Variants in GHR observed in about 807,000 individuals in gnomAD.
GHR encodes GH receptor.
GHR carries 35 observed loss-of-function variants against 67.1 expected under a neutral mutation model. The observed-to-expected ratio is 0.52, with a 90% CI of 0.40 to 0.69. The LOEUF is 0.69. Ranked by LOEUF, GHR falls within the 30% of genes least tolerant of loss-of-function variation. The pLI, the probability that GHR is intolerant of heterozygous loss-of-function variation, is 0.00. For synonymous variants in GHR, 272 were observed against 269.1 expected, an observed-to-expected ratio of 1.01 and a Z score of -0.10; for missense variants, 792 against 764.6, an observed-to-expected ratio of 1.04 and a Z score of -0.42.
chr5:42,513,790 A>C (rs1747126010), intron 1 of GHR, among the ~76,000 whole-genome samples: 1 of 152,128 alleles, frequency 6.6e-6, no homozygotes, highest in Non-Finnish European at 1.5e-5. Context: ...CTCAAAAAAA[A>C]AAAGCTTCAG....
chr5:42,623,334 G>A (rs78139434), intron 2 of GHR, among the ~76,000 whole-genome samples: 97 of 152,080 alleles, frequency 6.4e-4, no homozygotes, highest in African/African-American at 2.3e-3. Flanking sequence ...ACTGTGAGGC[G>A]CTCCACCCCA....
chr5:42,640,506 A>G (rs756759094), intron 3 of GHR, among the ~76,000 whole-genome samples: 1 of 152,102 alleles, frequency 6.6e-6, no homozygotes, highest in African/African-American at 2.4e-5. Flanking sequence ...CTGGAAGAGT[A>G]GGACTTGCCT....
Position 42,699,871 on chromosome 5 carries a change from A to G in GHR, c.487A>G (p.Ser163Gly). 1 of 1,610,762 alleles carries G rather than the reference A, an allele frequency of 6.2e-7. No homozygotes were observed. Among genetic ancestry groups the G allele is most frequent in the Non-Finnish European group, 8.5e-7 (1 of 1,176,994 alleles). Residue 163 changes from serine to glycine, a missense_variant, in exon 6 of 10, where the codon AGT (serine) becomes GGT (glycine). By Grantham distance (56) the Ser-to-Gly change is moderately conservative. Coordinates refer to ENST00000230882, the MANE Select transcript of GHR (RefSeq NM_000163.5). ...CCTCAACTGGACTTTACTGAACGTC[A>G]GTTTAACTGGGATTCATGCAGATAT... ...IALNWTLLNV[S>G]LTGIHADIQV...
intron 1 of GHR, among the ~76,000 whole-genome samples, chr5:42,530,375 A>T (rs1747912453): frequency 6.6e-6 from 1 of 152,190 alleles, no homozygotes; most frequent in East Asian, 1.9e-4. Context: ...AATGAATGGG[A>T]GCCTTTACCT....
chr5:42,434,686 A>G (rs138719236), intron 1 of GHR, among the ~76,000 whole-genome samples: 76 of 152,172 alleles, frequency 5.0e-4, no homozygotes, highest in Non-Finnish European at 1.0e-3. Context: ...TGCCATTTTT[A>G]TAGAAGGATG....
At chr5:42,689,112 G>A (rs985851575) in intron 4 of GHR, 93 bp downstream of exon 4, 2 of 1,117,356 alleles carry the variant, frequency 1.8e-6, no homozygotes, top group Non-Finnish European at 2.7e-6. Context: ...GAAGTGATTT[G>A]TTGTGATTTA....
chr5:42,577,104 G>C (rs1006194077), intron 2 of GHR, among the ~76,000 whole-genome samples: 7 of 152,196 alleles, frequency 4.6e-5, no homozygotes. Flanking sequence ...GGCAAGACTA[G>C]AGTTAAAACG....
At chr5:42,470,021 T>C (rs1022757607) in intron 1 of GHR, among the ~76,000 whole-genome samples, 4 of 146,476 alleles carry the variant, frequency 2.7e-5, no homozygotes, top group Non-Finnish European at 4.5e-5. Flanking sequence ...TGTGTGTGTA[T>C]ATAAATAATA....
chr5:42,458,572 A>G (rs1378721858), intron 1 of GHR, among the ~76,000 whole-genome samples: 3 of 152,236 alleles, frequency 2.0e-5, no homozygotes, highest in Non-Finnish European at 4.4e-5. Flanking sequence ...GGACCTGGCA[A>G]AGATTCCATG....
intron 1 of GHR, among the ~76,000 whole-genome samples, chr5:42,532,163 C>T (rs1055498944): frequency 6.6e-6 from 1 of 152,046 alleles, no homozygotes; most frequent in Non-Finnish European, 1.5e-5. Context: ...ACTGAGAAAG[C>T]TCTTCCTGAT....
At chr5:42,481,731 C>T (rs1320199866) in intron 1 of GHR, among the ~76,000 whole-genome samples, 1 of 152,192 alleles carries the variant, frequency 6.6e-6, no homozygotes. Context: ...TTTTCAGCTC[C>T]ATCAGGTCCT....
chr5:42,674,459 T>G (rs1169211509), intron 3 of GHR, among the ~76,000 whole-genome samples: 1 of 152,122 alleles, frequency 6.6e-6, no homozygotes, highest in African/African-American at 2.4e-5. Context: ...TCTAGAACAT[T>G]TTCATTACTT....
intron 1 of GHR, among the ~76,000 whole-genome samples, chr5:42,488,290 T>G (rs1363139048): frequency 2.0e-5 from 3 of 152,338 alleles, no homozygotes; most frequent in African/African-American, 7.2e-5. Context: ...TTCATTCCCC[T>G]TTTATAGATG....
intron 1 of GHR, among the ~76,000 whole-genome samples, chr5:42,464,508 G>C (rs942651213): frequency 6.6e-6 from 1 of 152,202 alleles, no homozygotes; most frequent in Non-Finnish European, 1.5e-5. Context: ...CTCAGAAAGA[G>C]AGTGGACCAA....
chr5:42,539,785 G>A (rs79280923), intron 1 of GHR, among the ~76,000 whole-genome samples: 4,165 of 151,938 alleles, frequency 0.027, 197 homozygotes, highest in African/African-American at 0.095. Flanking sequence ...TTCTTCTGTT[G>A]TTTTAAAATT....
At chr5:42,629,233 G>A in intron 3 of GHR, 130 bp downstream of exon 3, 1 of 633,518 alleles carries the variant, frequency 1.6e-6, no homozygotes, top group Non-Finnish European at 2.8e-6. Context: ...AAATTTTATA[G>A]GCAAGCAAAA....
rs1454848459 is a variant in GHR, at chr5:42,718,137, A to T, written c.945+16A>T. ...TCTCCTCAAGGTAACTAATAATTTTATCTAAATTGTAGCTAGTACTAATTA... is the reference window on the plus strand; with the variant it reads ...TCTCCTCAAGGTAACTAATAATTTTTTCTAAATTGTAGCTAGTACTAATTA... On this transcript the variant is annotated intron_variant, in intron 9 of 9. Transcript: ENST00000230882. The T allele has an allele frequency of 7.6e-7, 1 of 1,313,546 alleles. No homozygotes were observed. The highest frequency in any genetic ancestry group is 1.7e-5 in the Admixed American group (1 of 59,658). 81.4% of individuals were successfully genotyped at this position (1,313,546 alleles called of 1,614,324 possible). A position where few individuals can be genotyped will look rare whatever the true frequency, so the allele number is the denominator to read the frequency against.
chr5:42,549,120 T>G (rs980609007), intron 1 of GHR, among the ~76,000 whole-genome samples: 1 of 152,230 alleles, frequency 6.6e-6, no homozygotes, highest in Non-Finnish European at 1.5e-5. Flanking sequence ...CTTTGTCTCC[T>G]TCTGCTTCTT....
chr5:42,548,545 C>T (rs950080462), intron 1 of GHR: 1 of 952,900 alleles, frequency 1.0e-6, no homozygotes, highest in Non-Finnish European at 1.2e-6. Flanking sequence ...TATTCCCTTA[C>T]TGTTACTTAT....
Sources: allele counts gnomAD v4.1 joint callset (sites outside exome capture counted in the v4.1 genomes callset), GRCh38; gene constraint gnomAD v4.1.1; transcripts MANE v1.5; gene names NCBI Gene and HGNC (gene_info 2026-07-23, HGNC 2026-07-21).